Variants in ARHGAP10 observed in about 807,000 individuals in gnomAD.
ARHGAP10 encodes the protein rho GTPase-activating protein 10.
ARHGAP10 carries 87 observed loss-of-function variants against 108.6 expected under a neutral mutation model. The ratio of observed to expected loss-of-function variants is 0.80; its 90% CI spans 0.67 to 0.96. The LOEUF (loss-of-function observed/expected upper bound fraction) is 0.96. Ranked by LOEUF, ARHGAP10 falls within the 40% of genes least tolerant of loss-of-function variation. ARHGAP10 has a pLI of 0.00. For missense variants in ARHGAP10, 939 were observed against 954.5 expected, an observed-to-expected ratio of 0.98 and a Z score of 0.21; for synonymous variants, 347 against 341.1, an observed-to-expected ratio of 1.02 and a Z score of -0.19.
At chr4:147,810,373 A>G (rs948294803) in intron 1 of ARHGAP10, among the ~76,000 whole-genome samples, 8 of 152,228 alleles carry the variant, frequency 5.3e-5, no homozygotes, top group African/African-American at 1.7e-4. Context: ...TATCCCCATT[A>G]TTATCATTGG....
chr4:147,975,898 A>G (rs1232256558), intron 18 of ARHGAP10, among the ~76,000 whole-genome samples: 5 of 152,208 alleles, frequency 3.3e-5, no homozygotes, highest in Non-Finnish European at 5.9e-5. Context: ...TAACCCTGCA[A>G]CCAACTTTAT....
chr4:148,041,761 G>C (rs2149676682), intron 19 of ARHGAP10, among the ~76,000 whole-genome samples: 1 of 152,272 alleles, frequency 6.6e-6, no homozygotes, highest in South Asian at 2.1e-4. Flanking sequence ...ATGTCCTCTT[G>C]ACCAATTGTG....
chr4:148,032,581 A>G (rs1354600430), intron 19 of ARHGAP10, among the ~76,000 whole-genome samples: 1 of 152,072 alleles, frequency 6.6e-6, no homozygotes, highest in African/African-American at 2.4e-5. Context: ...ATATAAGTGT[A>G]TTAGGGTGCT....
intron 17 of ARHGAP10, among the ~76,000 whole-genome samples, chr4:147,966,003 G>T (rs1385081018): frequency 6.6e-6 from 1 of 152,200 alleles, no homozygotes; most frequent in Non-Finnish European, 1.5e-5. Flanking sequence ...ATTGAGACCT[G>T]AATTAAGTTG....
intron 8 of ARHGAP10, among the ~76,000 whole-genome samples, chr4:147,878,040 C>T (rs1009497445): frequency 6.7e-6 from 1 of 149,876 alleles, no homozygotes; most frequent in African/African-American, 2.5e-5. Context: ...GGGTTCAAGC[C>T]ATTCTTCTGC....
At chr4:147,784,494 T>C (rs1481181741) in intron 1 of ARHGAP10, among the ~76,000 whole-genome samples, 1 of 109,012 alleles carries the variant, frequency 9.2e-6, no homozygotes, top group Non-Finnish European at 1.7e-5. Flanking sequence ...ATATTTAATT[T>C]ATATATAATA....
intron 1 of ARHGAP10, among the ~76,000 whole-genome samples, chr4:147,760,825 T>C (rs981145216): frequency 6.6e-6 from 1 of 152,142 alleles, no homozygotes; most frequent in Non-Finnish European, 1.5e-5. Flanking sequence ...ACTGCTCTGC[T>C]GTGAATGGCC....
chr4:148,013,638 A>G (rs2149656246), intron 18 of ARHGAP10, among the ~76,000 whole-genome samples: 1 of 152,250 alleles, frequency 6.6e-6, no homozygotes, highest in South Asian at 2.1e-4. Context: ...CAGTGAGCTG[A>G]GGTTGCGCCA....
rs142673999 is a variant in ARHGAP10, at chr4:148,062,280, G to A, written c.2028-868G>A. Reference sequence around the variant, plus strand: ...CTCCGGCAGGGGAAACAATCTGAGAGCATGCTGAGGAGTGCAGAAGCCTCG... The same window carrying A: ...CTCCGGCAGGGGAAACAATCTGAGAACATGCTGAGGAGTGCAGAAGCCTCG... On this transcript the variant is annotated intron_variant, in intron 20 of 22. Transcript: ENST00000336498. Among the ~76,000 whole-genome samples, 20 of 152,320 alleles carry A rather than the reference G, an allele frequency of 1.3e-4. No individual in the cohort carries two copies. In the East Asian group the frequency reaches 3.9e-3, roughly 29 times the overall value.
intron 13 of ARHGAP10, among the ~76,000 whole-genome samples, chr4:147,935,191 C>G (rs1345805175): frequency 6.6e-6 from 1 of 152,104 alleles, no homozygotes; most frequent in Admixed American, 6.5e-5. Context: ...ACTGCAGTCC[C>G]TGTAGGAAGA....
intron 1 of ARHGAP10, among the ~76,000 whole-genome samples, chr4:147,797,205 A>G (rs550133989): frequency 3.3e-5 from 5 of 149,954 alleles, no homozygotes; most frequent in Admixed American, 6.7e-5. Context: ...AAGTTATTCA[A>G]TTTTTTTTTT....
chr4:148,013,649 C>T (rs930518977), intron 18 of ARHGAP10, among the ~76,000 whole-genome samples: 9 of 152,102 alleles, frequency 5.9e-5, no homozygotes, highest in Admixed American at 1.3e-4. Context: ...GGTTGCGCCA[C>T]TGCACTTCAA....
intron 19 of ARHGAP10, among the ~76,000 whole-genome samples, chr4:148,043,833 T>C (rs1728762502): frequency 6.7e-6 from 1 of 149,768 alleles, no homozygotes; most frequent in African/African-American, 2.4e-5. Context: ...ACATAGAATA[T>C]TTTTTAAGTT....
At chr4:147,874,461 T>C (rs1324183733) in intron 7 of ARHGAP10, among the ~76,000 whole-genome samples, 2 of 152,178 alleles carry the variant, frequency 1.3e-5, no homozygotes, top group African/African-American at 2.4e-5. Context: ...GTGAGATTTT[T>C]TTTCCCCCTT....
At chr4:147,832,432 A>C (rs1423889024) in intron 3 of ARHGAP10, among the ~76,000 whole-genome samples, 1 of 151,272 alleles carries the variant, frequency 6.6e-6, no homozygotes, top group Non-Finnish European at 1.5e-5. Context: ...GTGGATCTTG[A>C]GGTCAGGAGT....
At chr4:147,784,661 ATATATATTATATAT>A (rs36202812) in intron 1 of ARHGAP10, among the ~76,000 whole-genome samples, 2 of 66,110 alleles carry the variant, frequency 3.0e-5, no homozygotes, top group African/African-American at 1.9e-4. Context: ...ATATTATAAA[ATATATATTATATAT>A]TATAAATATA....
chr4:147,843,007 C>A (rs1200510181), intron 3 of ARHGAP10, among the ~76,000 whole-genome samples: 1 of 152,116 alleles, frequency 6.6e-6, no homozygotes, highest in African/African-American at 2.4e-5. Context: ...TTCTCATGTC[C>A]AAACTCTCTG....
chr4:147,818,073 C>G (rs1158704675), intron 1 of ARHGAP10, among the ~76,000 whole-genome samples: 2 of 151,886 alleles, frequency 1.3e-5, no homozygotes, highest in Non-Finnish European at 2.9e-5. Context: ...TCCTTTGCCT[C>G]CAGGACTTAT....
intron 18 of ARHGAP10, among the ~76,000 whole-genome samples, chr4:147,994,591 G>A (rs1740402623): frequency 6.6e-6 from 1 of 152,176 alleles, no homozygotes; most frequent in Non-Finnish European, 1.5e-5. Context: ...AACTCAAAAT[G>A]TAGATCGTAA....
Sources: allele counts gnomAD v4.1 joint callset (sites outside exome capture counted in the v4.1 genomes callset), GRCh38; gene constraint gnomAD v4.1.1; transcripts MANE v1.5; gene names NCBI Gene and HGNC (gene_info 2026-07-23, HGNC 2026-07-21).